FBLN1: variants seen among roughly 807,000 people sequenced by gnomAD.
The protein encoded by FBLN1 is fibulin-1.
Under a neutral mutation model 89.7 loss-of-function variants are expected in FBLN1, and 34 were observed. The ratio of observed to expected loss-of-function variants is 0.38; its 90% CI spans 0.29 to 0.50. The LOEUF is 0.50. FBLN1 is among the 20% of genes least tolerant of loss of function. FBLN1 has a pLI of 0.92. For missense variants in FBLN1, 777 were observed against 988.1 expected (o/e 0.79, Z 2.86); for synonymous variants, 393 against 391.3 (o/e 1.00, Z -0.05).
rs1350662062 is a variant in FBLN1 at position 45,536,365 on chromosome 22, C to T, written c.922+1028C>T. Among the ~76,000 whole-genome samples the T allele has an allele frequency of 6.6e-6, 1 of 152,020 alleles. No individual in the cohort carries two copies. Among genetic ancestry groups the T allele is most frequent in the East Asian group, 1.9e-4 (1 of 5,178 alleles). ...ATGGATGGGGGTGATGGTGGCACGA[C>T]AGTGTGAATGCAGTAATGCCCCTGA... On this transcript the variant is annotated intron_variant, in intron 8 of 16. Transcript: ENST00000327858. This position sits in a 1 kb window ranked among gnomAD's most constrained non-coding sequence, Gnocchi z 5.1.
Position 45,554,523 on chromosome 22 carries a change from T to C in FBLN1, c.1697+3908T>C, listed in dbSNP as rs12484624. 5.4e-3 allele frequency among the ~76,000 whole-genome samples: 827 copies of C among 152,248 alleles called. 22 individuals are homozygous for C. Among genetic ancestry groups the C allele is most frequent in the Admixed American group, 0.048 (727 of 15,294 alleles). On this transcript the variant is annotated intron_variant, in intron 14 of 16. Transcript: ENST00000327858. ...GAGCTTGGAATGATCACTAGCCAAG[T>C]AAATGCAAGGCCTCCTGTCAGTCCT... is the stretch of plus-strand genomic sequence containing the variant.
At chr22:45,553,371 C>G (rs1334342750) in intron 14 of FBLN1, among the ~76,000 whole-genome samples, 1 of 152,094 alleles carries the variant, frequency 6.6e-6, no homozygotes, top group African/African-American at 2.4e-5. Context: ...GTCTGGAAAC[C>G]AGGGCCTGCG....
intron 11 of FBLN1, among the ~76,000 whole-genome samples, chr22:45,544,887 C>T (rs559868553): frequency 2.7e-4 from 41 of 152,302 alleles, no homozygotes; most frequent in African/African-American, 8.9e-4. Context: ...TGGCAGATGT[C>T]GTGTCTTGTA....
At position 45,581,447 on chromosome 22, in the gene FBLN1, C is replaced by T. The variant is rs1569264968; in HGVS notation, c.1972+4339C>T. 6.6e-6 allele frequency among the ~76,000 whole-genome samples: 1 copy of T among 151,968 alleles called. No individual in the cohort carries two copies. Among genetic ancestry groups the T allele is most frequent in the East Asian group, 1.9e-4 (1 of 5,144 alleles). On this transcript the variant is annotated intron_variant, in intron 16 of 16. Transcript: ENST00000327858. The surrounding 1 kb of genome is among the most constrained non-coding windows in gnomAD (Gnocchi z 7.6). The stretch of plus-strand genomic sequence containing the variant: ...GATAGGAGGGCCTGGCCTGCAAAAA[C>T]GCCCTCCCTATTTCTCCAGGGAGGG...
Position 45,530,841 on chromosome 22 carries a change from G to A in FBLN1, c.485-424G>A, listed in dbSNP as rs944245826. 6.6e-6 allele frequency among the ~76,000 whole-genome samples: 1 copy of A among 151,970 alleles called. No homozygotes were observed. The highest frequency in any genetic ancestry group is 2.4e-5 in the African/African-American group (1 of 41,320). On this transcript the variant is annotated intron_variant, in intron 4 of 16. Coordinates refer to ENST00000327858, the MANE Select transcript of FBLN1 (RefSeq NM_006486.3). The surrounding 1 kb of genome is among the most constrained non-coding windows in gnomAD (Gnocchi z 5.4). ...TGCAATGGTGTGATCTTGACTCACT[G>A]CAACCTCCGACTCCTGAGTTCAAGC...
At position 45,537,173 on chromosome 22, in the gene FBLN1, C is replaced by G. The variant is rs1196154201; in HGVS notation, c.922+1836C>G. On this transcript the variant is annotated intron_variant, in intron 8 of 16. Coordinates refer to ENST00000327858, the MANE Select transcript of FBLN1 (RefSeq NM_006486.3). The surrounding 1 kb of genome is among the most constrained non-coding windows in gnomAD (Gnocchi z 5.7). ...ACCTGGGGTGGCCCCATCACCTCTC[C>G]CCTGCCATGAGCAAGGGGGTATACA... Among the ~76,000 whole-genome samples, 1 of 152,226 alleles carries G rather than the reference C, an allele frequency of 6.6e-6. No homozygotes were observed. Among genetic ancestry groups the G allele is most frequent in the East Asian group, 1.9e-4 (1 of 5,198 alleles).
At chr22:45,538,022 T>A (rs1485188546) in intron 8 of FBLN1, among the ~76,000 whole-genome samples, 1 of 152,216 alleles carries the variant, frequency 6.6e-6, no homozygotes, top group African/African-American at 2.4e-5. Flanking sequence ...AGCCCTGACT[T>A]TCCTCTCTAC....
chr22:45,575,517 C>A lies in FBLN1; in HGVS notation c.1840+864C>A, dbSNP rs568530820. ...TTCAACCCCCAGGCTTTGGGGGAAC[C>A]ATCGGAAGGTTGCAGTGGAGGAGGT... is the stretch of plus-strand genomic sequence containing the variant. On this transcript the variant is annotated intron_variant, in intron 15 of 16. Coordinates refer to ENST00000327858, the MANE Select transcript of FBLN1 (RefSeq NM_006486.3). This position sits in a 1 kb window ranked among gnomAD's most constrained non-coding sequence, Gnocchi z 6.3. Among the ~76,000 whole-genome samples the A allele has an allele frequency of 6.6e-6, 1 of 152,218 alleles. No homozygotes were observed. The highest frequency in any genetic ancestry group is 1.5e-5 in the Non-Finnish European group (1 of 68,000).
intron 6 of FBLN1, 41 bp from the exon 7 acceptor site, chr22:45,533,720 G>T: frequency 6.2e-7 from 1 of 1,603,660 alleles, no homozygotes. Flanking sequence ...AGGATGGGTC[G>T]TTCTTGCTGG....
intron 11 of FBLN1, among the ~76,000 whole-genome samples, chr22:45,544,745 T>C (rs943513941): frequency 6.6e-6 from 1 of 152,170 alleles, no homozygotes; most frequent in East Asian, 1.9e-4. Flanking sequence ...TCAGGTCTCT[T>C]GGTATGTGGG....
At chr22:45,570,319 C>CAAAAAAAAAAAAAAAAAAAAA (rs761469854) in intron 14 of FBLN1, among the ~76,000 whole-genome samples, 1 of 36,432 alleles carries the variant, frequency 2.7e-5, no homozygotes, top group Non-Finnish European at 6.3e-5. Flanking sequence ...GACTCTGTCT[C>CAAAAAAAAAAAAAAAAAAAAA]AAAAAAAAAA....
chr22:45,540,912 C>T (rs544735941), intron 8 of FBLN1, among the ~76,000 whole-genome samples: 20 of 152,336 alleles, frequency 1.3e-4, no homozygotes, highest in Admixed American at 9.1e-4. Flanking sequence ...TCCTTAATAC[C>T]GTGCCCAGTG....
At position 45,576,829 on chromosome 22, in the gene FBLN1, C is replaced by A; in HGVS notation, c.1841-148C>A. On this transcript the variant is annotated intron_variant, in intron 15 of 16. Coordinates refer to ENST00000327858, the MANE Select transcript of FBLN1 (RefSeq NM_006486.3). The surrounding 1 kb of genome is among the most constrained non-coding windows in gnomAD (Gnocchi z 5.2). ...TCCAGACCCCTCCACCCTCCCCACA[C>A]AGGGGATCTCTGGCTTCATTGATGT... The A allele has an allele frequency of 1.1e-6, 1 of 914,106 alleles. No individual in the cohort carries two copies. Among genetic ancestry groups the A allele is most frequent in the Non-Finnish European group, 1.7e-6 (1 of 581,392 alleles). 56.6% of individuals were successfully genotyped at this position (914,106 alleles called of 1,614,324 possible).
Position 45,556,081 on chromosome 22 carries a change from C to T in FBLN1, c.1697+5466C>T, listed in dbSNP as rs762756023. Among the ~76,000 whole-genome samples the T allele has an allele frequency of 2.2e-4, 33 of 152,158 alleles. 1 individual carries two copies. The highest frequency in any genetic ancestry group is 6.3e-3 in the Middle Eastern group (2 of 316). ...TGTGATTTTGTCTCACCGCAACCTC[C>T]ACGTCCCGAGTTCAAGTGATTATCC... On this transcript the variant is annotated intron_variant, in intron 14 of 16. Coordinates refer to ENST00000327858, the MANE Select transcript of FBLN1 (RefSeq NM_006486.3). This position sits in a 1 kb window ranked among gnomAD's most constrained non-coding sequence, Gnocchi z 4.6.
chr22:45,581,969 C>T lies in FBLN1; in HGVS notation c.1972+4861C>T, dbSNP rs895747221. On this transcript the variant is annotated intron_variant, in intron 16 of 16. Transcript: ENST00000327858. The surrounding 1 kb of genome is among the most constrained non-coding windows in gnomAD (Gnocchi z 7.6). ...GCTGTCCTGGGGACCACGGGAGCCA[C>T]GGGAGGTCTGTGCTGCCCATGGAGC... Among the ~76,000 whole-genome samples the T allele has an allele frequency of 2.6e-5, 4 of 152,154 alleles. No individual in the cohort carries two copies. The highest frequency in any genetic ancestry group is 2.0e-4 in the Admixed American group (3 of 15,278).
chr22:45,513,967 A>G (rs573873483), intron 1 of FBLN1, among the ~76,000 whole-genome samples: 1 of 151,984 alleles, frequency 6.6e-6, no homozygotes, highest in African/African-American at 2.4e-5. Context: ...TAATTTTTGT[A>G]TTTTTAGTAG....
intron 14 of FBLN1, among the ~76,000 whole-genome samples, chr22:45,552,772 C>A (rs938970915): frequency 6.6e-6 from 1 of 152,206 alleles, no homozygotes; most frequent in Admixed American, 6.5e-5. Context: ...ACCCAGGAAG[C>A]TGGGCCGCAA....
rs562408229 is a variant in FBLN1, at chr22:45,543,621, G to T, written c.1321+95G>T. 17 of 1,468,000 alleles carry T rather than the reference G, an allele frequency of 1.2e-5. 1 individual carries two copies. In the South Asian group the frequency reaches 1.6e-4, roughly 14 times the overall value. The allele number at this position is 1,468,000 out of a possible 1,614,324, so 90.9% of individuals were successfully genotyped here. A position where few individuals can be genotyped will look rare whatever the true frequency, so the allele number is the denominator to read the frequency against. On this transcript the variant is annotated intron_variant, in intron 11 of 16. Coordinates refer to ENST00000327858, the MANE Select transcript of FBLN1 (RefSeq NM_006486.3). ...GACCGGTTTGCAGCAGATCCGCGAT[G>T]GTTTCCCTGTTAAATGACATGTTAG...
chr22:45,559,065 C>T (rs973635049), intron 14 of FBLN1, among the ~76,000 whole-genome samples: 2 of 152,218 alleles, frequency 1.3e-5, no homozygotes, highest in Non-Finnish European at 2.9e-5. Flanking sequence ...TTGATACACC[C>T]CTGAGGTATG....
Sources: gnomAD v4.1 joint callset for allele counts (sites outside exome capture counted in the v4.1 genomes callset) on GRCh38, gnomAD v4.1.1 for gene constraint, Gnocchi (gnomAD v3.1) non-coding constraint, MANE v1.5 for transcripts, NCBI Gene and HGNC (gene_info 2026-07-23, HGNC 2026-07-21) for gene names.